Variants in ZP2 observed in about 807,000 individuals in gnomAD.
ZP2 encodes zona pellucida glycoprotein 2, also known as zona pellucida sperm-binding protein 2.
Under a neutral mutation model 84.0 loss-of-function variants are expected in ZP2, and 51 were observed. The ratio of observed to expected loss-of-function variants is 0.61; its 90% CI spans 0.49 to 0.77. ZP2 has a LOEUF of 0.77. Ranked by LOEUF, ZP2 falls within the 30% of genes least tolerant of loss-of-function variation. The probability of loss-of-function intolerance (pLI) is 0.00; values close to 1 mark genes in which losing one functional copy is unlikely to be tolerated. For missense variants in ZP2, 909 were observed against 911.9 expected (o/e 1.00, Z 0.04); for synonymous variants, 375 against 330.9 (o/e 1.13, Z -1.45).
upstream of ZP2, among the ~76,000 whole-genome samples, chr16:21,212,355 C>T (rs2093278725): frequency 6.6e-6 from 1 of 152,144 alleles, no homozygotes. Flanking sequence ...AAGCTTACCG[C>T]AAAGATACAA....
At position 21,211,566 on chromosome 16, in the gene ZP2, A is replaced by C; in HGVS notation, c.-19T>G. On this transcript the variant is annotated 5_prime_UTR_variant, in exon 1 of 19. Coordinates refer to ENST00000574091, the MANE Select transcript of ZP2 (RefSeq NM_001376232.1). ...ACGCCATAGCAGAAGACACTACCAG[A>C]TCAACCAGGTAGAGGGTAGGCTGCT... 1 of 1,614,032 alleles carries C rather than the reference A, an allele frequency of 6.2e-7. No individual in the cohort carries two copies. Among genetic ancestry groups the C allele is most frequent in the Non-Finnish European group, 8.5e-7 (1 of 1,180,020 alleles).
Position 21,206,947 on chromosome 16 carries a change from G to A in ZP2, c.374C>T (p.Ala125Val), listed in dbSNP as rs2093252774. 4.3e-6 allele frequency: 7 copies of A among 1,614,124 alleles called. No individual in the cohort carries two copies. The highest frequency in any genetic ancestry group is 1.1e-5 in the South Asian group (1 of 91,076). The stretch of plus-strand genomic sequence containing the variant: ...CATGACAGCTCCGTGTCTTAAGGCA[G>A]CACTGTTGTTCATGACTCTGATGGT... ...QMTIRVMNNSAALRHGAVMYQ... is the reference protein window; with the variant it reads ...QMTIRVMNNSVALRHGAVMYQ... Residue 125 changes from alanine to valine, a missense_variant, in exon 5 of 19, where the codon GCT becomes GTT. Coordinates refer to ENST00000574091, the MANE Select transcript of ZP2 (RefSeq NM_001376232.1).
intron 16 of ZP2, 109 bp from the exon 17 acceptor site, chr16:21,198,971 G>T: frequency 9.7e-7 from 1 of 1,034,576 alleles, no homozygotes; most frequent in Non-Finnish European, 1.5e-6. Context: ...TGTTCATGTG[G>T]TTTGTCTTGC....
upstream of ZP2, chr16:21,211,829 A>C: frequency 7.3e-7 from 1 of 1,363,298 alleles, no homozygotes; most frequent in Non-Finnish European, 9.5e-7. Context: ...CTATGGGGGA[A>C]ATTAGGATCT....
chr16:21,210,051 C>A, intron 3 of ZP2, 58 bp downstream of exon 3: 1 of 1,509,766 alleles, frequency 6.6e-7, no homozygotes, highest in Non-Finnish European at 9.2e-7. Flanking sequence ...ACAGGATTGA[C>A]CTAAGCCAAA....
In ZP2 at chr16:21,209,680, G is replaced by A. The variant is rs894621499; in HGVS notation, c.281C>T (p.Pro94Leu). The change falls in exon 4 of 19, where the codon CCA becomes CTA. Residue 94 changes from proline to leucine, a missense_variant. Transcript: ENST00000574091. ...DMPNCTYILDPEKLTLRATYD... is the reference protein window; with the variant it reads ...DMPNCTYILDLEKLTLRATYD... ...GGTAGCCCTCAGGGTGAGCTTTTCT[G>A]GGTCCAGGATGTAAGTGCAGTTCGG... The A allele has an allele frequency of 6.2e-7, 1 of 1,614,048 alleles. No individual in the cohort carries two copies. The highest frequency in any genetic ancestry group is 1.3e-5 in the African/African-American group (1 of 74,910).
rs565500449 is a variant in ZP2, at chr16:21,210,630, A to G, written c.152-438T>C. On this transcript the variant is annotated intron_variant, in intron 2 of 18. Coordinates refer to ENST00000574091, the MANE Select transcript of ZP2 (RefSeq NM_001376232.1). ...CTCTCTGTCACCCAGGCTGGAGTGCAGTGGCACGATCTCAACCCACCTCAA... is the reference window on the plus strand; with the variant it reads ...CTCTCTGTCACCCAGGCTGGAGTGCGGTGGCACGATCTCAACCCACCTCAA... Among the ~76,000 whole-genome samples, 3 of 152,258 alleles carry G rather than the reference A, an allele frequency of 2.0e-5. No homozygotes were observed. In the East Asian group the frequency reaches 5.8e-4, roughly 29 times the overall value.
chr16:21,210,063 G>T (rs374988817), intron 3 of ZP2, 46 bp downstream of exon 3: 100 of 1,556,786 alleles, frequency 6.4e-5, no homozygotes, highest in Non-Finnish European at 8.4e-5. Flanking sequence ...TAAGCCAAAG[G>T]CTGTCTGCTA....
intron 17 of ZP2, chr16:21,198,054 T>C (rs1414675194): frequency 1.1e-5 from 6 of 527,598 alleles, no homozygotes; most frequent in African/African-American, 9.6e-5. Flanking sequence ...TAGAAACATA[T>C]CTTAAATCTT....
At chr16:21,209,598 C>T (rs762666147) in intron 4 of ZP2, 33 bp downstream of exon 4, 3 of 1,600,650 alleles carry the variant, frequency 1.9e-6, no homozygotes, top group South Asian at 2.2e-5. Flanking sequence ...TTACTACGTA[C>T]TTCCCCAAGA....
Position 21,203,183 on chromosome 16 carries a change from T to C in ZP2, c.1041A>G (p.Pro347=), listed in dbSNP as rs751555985. The change falls in exon 10 of 19, where the codon CCA becomes CCG. Residue 347 remains proline, a synonymous_variant. Transcript: ENST00000574091. ...GATAGATCACCATGGATACTGTCTC[T>C]GGCCGAAGGAGAAAGGTCAGCTTGA... The part of the protein sequence containing the change: ...ASLKLTFLLR[P]ETVSMVIYPE... 1.9e-6 allele frequency: 3 copies of C among 1,613,938 alleles called. No homozygotes were observed. The highest frequency in any genetic ancestry group is 2.2e-5 in the East Asian group (1 of 44,870).
intron 5 of ZP2, among the ~76,000 whole-genome samples, chr16:21,206,293 G>T (rs2093249329): frequency 6.6e-6 from 1 of 152,148 alleles, no homozygotes. Context: ...CACCATGCCT[G>T]ACCAGGACAA....
At chr16:21,201,268 A>T in intron 14 of ZP2, 101 bp downstream of exon 14, 2 of 1,082,388 alleles carry the variant, frequency 1.8e-6, no homozygotes, top group Non-Finnish European at 2.6e-6. Context: ...TCTGGATCTC[A>T]CATGACTGAA....
intron 3 of ZP2, 136 bp downstream of exon 3, chr16:21,209,973 A>G: frequency 1.2e-6 from 1 of 801,516 alleles, no homozygotes; most frequent in Non-Finnish European, 2.1e-6. Context: ...CATGCAAATC[A>G]GGTATCCCCA....
chr16:21,200,078 T>G (rs2093218284), intron 14 of ZP2, among the ~76,000 whole-genome samples, 200 bp from the exon 15 acceptor site: 1 of 152,210 alleles, frequency 6.6e-6, no homozygotes, highest in Non-Finnish European at 1.5e-5. Flanking sequence ...TAGTTATATT[T>G]TAACTATTTT....
In ZP2 at chr16:21,210,100, G is replaced by T. The variant is rs191510425; in HGVS notation, c.235+9C>A. 2 of 1,612,592 alleles carry T rather than the reference G, an allele frequency of 1.2e-6. No homozygotes were observed. Among genetic ancestry groups the T allele is most frequent in the African/African-American group, 2.7e-5 (2 of 74,806 alleles). On this transcript the variant is annotated intron_variant, in intron 3 of 18. Coordinates refer to ENST00000574091, the MANE Select transcript of ZP2 (RefSeq NM_001376232.1). Reference sequence around the variant, plus strand: ...TCAGGACTATGAGGAGATAACACACGTTACCTACCCACCACAGATGCATGC... The same window carrying T: ...TCAGGACTATGAGGAGATAACACACTTTACCTACCCACCACAGATGCATGC...
rs1389349969 is a variant in ZP2, at chr16:21,203,224, A to G, written c.1000T>C (p.Phe334Leu). Residue 334 changes from phenylalanine to leucine, a missense_variant, in exon 10 of 19, where the codon TTC becomes CTC. Coordinates refer to ENST00000574091, the MANE Select transcript of ZP2 (RefSeq NM_001376232.1). ...GTCAGCTTGAGTGAAGCTAAGTAGA[A>G]CTGATGGAGTAGGCATTTTTCAGAT... ...KLSEKCLLHQ[F>L]YLASLKLTFL... 2 of 1,613,866 alleles carry G rather than the reference A, an allele frequency of 1.2e-6. No individual in the cohort carries two copies. The highest frequency in any genetic ancestry group is 4.5e-5 in the East Asian group (2 of 44,874).
rs2093274083 is a variant in ZP2, at chr16:21,211,329, C to CTGAGAAACATCT, written c.117_128dup (p.Asp40_Gln43dup). The CTGAGAAACATCT allele has an allele frequency of 6.2e-7, 1 of 1,614,022 alleles. No individual in the cohort carries two copies. The highest frequency in any genetic ancestry group is 8.5e-7 in the Non-Finnish European group (1 of 1,180,036). ...TACCTGGAAAGGCAGGATTTACCAA[C>CTGAGAAACATCT]TGAGAAACATCTATGGAGTTCCCTG... On this transcript the variant is annotated inframe_insertion, in exon 2 of 19. Coordinates refer to ENST00000574091, the MANE Select transcript of ZP2 (RefSeq NM_001376232.1).
intron 2 of ZP2, among the ~76,000 whole-genome samples, chr16:21,210,716 A>G (rs559480410): frequency 6.6e-6 from 1 of 152,184 alleles, no homozygotes; most frequent in East Asian, 1.9e-4. Flanking sequence ...CTGGGATTAC[A>G]TGTGCCCACC....
Sources: allele counts gnomAD v4.1 joint callset (sites outside exome capture counted in the v4.1 genomes callset), GRCh38; gene constraint gnomAD v4.1.1; transcripts MANE v1.5; gene names NCBI Gene and HGNC (gene_info 2026-07-23, HGNC 2026-07-21).